The following PHACTR3 variants were observed in gnomAD, a reference collection of about 807,000 sequenced individuals.
PHACTR3 encodes the protein protein phosphatase 1, regulatory subunit 123.
Under a neutral mutation model 66.8 loss-of-function variants are expected in PHACTR3, and 16 were observed. That is an observed-to-expected ratio of 0.24 (90% CI 0.16 to 0.36). The LOEUF (loss-of-function observed/expected upper bound fraction) is 0.36. Among genes scored for constraint, PHACTR3 ranks in the 10% least tolerant of loss-of-function variants. The pLI is 1.00. For missense variants in PHACTR3, 647 were observed against 719.9 expected (o/e 0.90, Z 1.16); for synonymous variants, 323 against 292.1 (o/e 1.11, Z -1.08).
At chr20:59,727,563 A>T (rs1034672193) in intron 1 of PHACTR3, among the ~76,000 whole-genome samples, 2 of 152,082 alleles carry the variant, frequency 1.3e-5, no homozygotes, top group South Asian at 4.2e-4. Flanking sequence ...TTGAGAATTC[A>T]CGGTCCCTGG....
intron 1 of PHACTR3, 151 bp downstream of exon 1, chr20:59,605,283 T>C: frequency 2.1e-6 from 1 of 483,602 alleles, no homozygotes; most frequent in South Asian, 7.9e-5. Context: ...ATCCCCAGTC[T>C]CGCAGGGCTG....
chr20:59,720,137 G>A (rs949989352), intron 1 of PHACTR3, among the ~76,000 whole-genome samples: 9 of 152,152 alleles, frequency 5.9e-5, no homozygotes, highest in Non-Finnish European at 1.0e-4. Context: ...GTTACCTTGC[G>A]GTGTGGCACA....
At chr20:59,819,286 G>A (rs971004033) in intron 8 of PHACTR3, among the ~76,000 whole-genome samples, 3 of 152,128 alleles carry the variant, frequency 2.0e-5, no homozygotes, top group South Asian at 2.1e-4. Context: ...AACTGCCCAC[G>A]GGACTGAGGC....
chr20:59,602,508 A>ATC (rs2033509641), upstream of PHACTR3, among the ~76,000 whole-genome samples: 1 of 152,078 alleles, frequency 6.6e-6, no homozygotes, highest in Non-Finnish European at 1.5e-5. Flanking sequence ...GTTGATTTAA[A>ATC]GACAAATCTT....
intron 1 of PHACTR3, among the ~76,000 whole-genome samples, chr20:59,673,732 C>T (rs2036275352): frequency 1.3e-5 from 2 of 152,142 alleles, no homozygotes; most frequent in South Asian, 4.1e-4. Context: ...CTTGGATGGG[C>T]CCTCGGCTGT....
chr20:59,791,166 C>T (rs1293745337), intron 7 of PHACTR3, among the ~76,000 whole-genome samples: 2 of 152,080 alleles, frequency 1.3e-5, no homozygotes, highest in South Asian at 2.1e-4. Context: ...GGTGATTGGG[C>T]CATGAGAGCT....
chr20:59,642,904 TTTTG>T (rs981278567), intron 1 of PHACTR3, among the ~76,000 whole-genome samples: 4 of 152,154 alleles, frequency 2.6e-5, no homozygotes, highest in South Asian at 2.1e-4. Context: ...TCTTCTTGTT[TTTTG>T]TTTGTTTGTT....
chr20:59,777,864 C>T (rs1278126504), intron 7 of PHACTR3, among the ~76,000 whole-genome samples: 1 of 152,132 alleles, frequency 6.6e-6, no homozygotes, highest in South Asian at 2.1e-4. Context: ...TCCCTCCAGC[C>T]GATGGCCCCT....
chr20:59,747,641 C>T (rs541670705), intron 2 of PHACTR3, 117 bp from the exon 3 acceptor site: 11 of 1,177,384 alleles, frequency 9.3e-6, no homozygotes, highest in Admixed American at 6.4e-5. Context: ...AACCCCGAGG[C>T]GCCTGCTAGC....
At chr20:59,819,193 C>G (rs1239795272) in intron 8 of PHACTR3, among the ~76,000 whole-genome samples, 3 of 152,088 alleles carry the variant, frequency 2.0e-5, no homozygotes, top group African/African-American at 7.2e-5. Context: ...TCGCTTGAGT[C>G]CAGGATCACT....
At position 59,798,554 on chromosome 20, in the gene PHACTR3, T is replaced by G. The variant is rs1004804640; in HGVS notation, c.1175-7487T>G. 2.0e-5 allele frequency among the ~76,000 whole-genome samples: 3 copies of G among 152,312 alleles called. No homozygotes were observed. In the East Asian group the frequency reaches 5.8e-4, roughly 29 times the overall value. On this transcript the variant is annotated intron_variant, in intron 7 of 12. Coordinates refer to ENST00000371015, the MANE Select transcript of PHACTR3 (RefSeq NM_080672.5). The stretch of plus-strand genomic sequence containing the variant: ...TTTAATAAATATAGGTCCATTCTGG[T>G]TACATATTTCTTCTTAAGTGAGGTT...
chr20:59,747,772 A>G lies in PHACTR3; in HGVS notation c.295A>G (p.Met99Val). The change falls in exon 3 of 13, where the codon ATG becomes GTG. Residue 99 changes from methionine to valine, a missense_variant. Physicochemically the swap from Met to Val is conservative, Grantham distance 21. Coordinates refer to ENST00000371015, the MANE Select transcript of PHACTR3 (RefSeq NM_080672.5). ...GTGTTGGGCAGCGCTGGAGAAGAAG[A>G]TGGCCGGCAGGCAAGGCCGAGAGGA... ...KQTTSALEKK[M>V]AGRQGREELI... is the part of the protein sequence containing the mutation. 6.2e-7 allele frequency: 1 copy of G among 1,613,992 alleles called. No homozygotes were observed. The highest frequency in any genetic ancestry group is 8.5e-7 in the Non-Finnish European group (1 of 1,179,942).
chr20:59,760,731 G>T (rs918710802), intron 4 of PHACTR3, among the ~76,000 whole-genome samples: 2 of 152,128 alleles, frequency 1.3e-5, no homozygotes, highest in Non-Finnish European at 2.9e-5. Flanking sequence ...CAGCAACAGA[G>T]CATTCCCTAC....
At chr20:59,747,673 C>A in intron 2 of PHACTR3, 85 bp from the exon 3 acceptor site, 1 of 1,498,152 alleles carries the variant, frequency 6.7e-7, no homozygotes, top group Non-Finnish European at 9.2e-7. Flanking sequence ...GGTCTGTAAA[C>A]TTGAGCCTGG....
chr20:59,661,751 G>A (rs2035812607), intron 1 of PHACTR3, among the ~76,000 whole-genome samples: 1 of 151,004 alleles, frequency 6.6e-6, no homozygotes, highest in East Asian at 2.0e-4. Context: ...GGTTGGCCAC[G>A]CAGCGACAGA....
chr20:59,793,652 T>C (rs1307413275), intron 7 of PHACTR3, among the ~76,000 whole-genome samples: 1 of 152,228 alleles, frequency 6.6e-6, no homozygotes, highest in Non-Finnish European at 1.5e-5. Flanking sequence ...TTATGGAATT[T>C]GTTTATTTTA....
At chr20:59,607,271 G>A (rs76468762) in intron 1 of PHACTR3, among the ~76,000 whole-genome samples, 394 of 152,162 alleles carry the variant, frequency 2.6e-3, no homozygotes, top group African/African-American at 8.8e-3. Flanking sequence ...TGTTACTCAG[G>A]GCTTTCAGAG....
chr20:59,654,754 C>T (rs1197697083), intron 1 of PHACTR3, among the ~76,000 whole-genome samples: 2 of 152,102 alleles, frequency 1.3e-5, no homozygotes, highest in South Asian at 2.1e-4. Flanking sequence ...GCCAATTCCT[C>T]CTTAGCTCAC....
chr20:59,645,473 C>T (rs934918029), intron 1 of PHACTR3, among the ~76,000 whole-genome samples: 2 of 152,102 alleles, frequency 1.3e-5, no homozygotes, highest in South Asian at 2.1e-4. Context: ...TTTCTCGTCA[C>T]GTGTGTGTCC....
Sources: gnomAD v4.1 joint callset for allele counts (sites outside exome capture counted in the v4.1 genomes callset) on GRCh38, gnomAD v4.1.1 for gene constraint, MANE v1.5 for transcripts, NCBI Gene and HGNC (gene_info 2026-07-23, HGNC 2026-07-21) for gene names.